Variants in PTPRB observed in about 807,000 individuals in gnomAD.
PTPRB encodes protein tyrosine phosphatase receptor type B, also known as receptor-type tyrosine-protein phosphatase beta.
A neutral mutation model predicts 238.1 loss-of-function variants in PTPRB; 97 were observed. The observed-to-expected ratio is 0.41, with a 90% CI of 0.35 to 0.48. The LOEUF (loss-of-function observed/expected upper bound fraction) is 0.48, where lower values mean the gene tolerates loss of function less well. Ranked by LOEUF, PTPRB falls within the 20% of genes least tolerant of loss-of-function variation. PTPRB has a pLI of 0.30. For synonymous variants in PTPRB, 970 were observed against 995.4 expected (o/e 0.97, Z 0.48); for missense variants, 2,292 against 2,681.9 (o/e 0.85, Z 3.21).
chr12:70,598,795 T>C (rs1883240945), intron 4 of PTPRB, among the ~76,000 whole-genome samples: 1 of 152,180 alleles, frequency 6.6e-6, no homozygotes, highest in African/African-American at 2.4e-5. Context: ...AATGTCATGA[T>C]CAGTAGAATC....
chr12:70,631,091 A>G (rs1332827472), intron 2 of PTPRB, among the ~76,000 whole-genome samples: 1 of 152,204 alleles, frequency 6.6e-6, no homozygotes, highest in East Asian at 1.9e-4. Context: ...TAAAGTTCAT[A>G]TGGAACCAAA....
At chr12:70,554,140 G>C (rs920044889) in intron 20 of PTPRB, among the ~76,000 whole-genome samples, 1 of 152,120 alleles carries the variant, frequency 6.6e-6, no homozygotes, top group African/African-American at 2.4e-5. Flanking sequence ...TTAATTAATT[G>C]TGCATAACCA....
intron 2 of PTPRB, among the ~76,000 whole-genome samples, chr12:70,629,211 G>A (rs1885334983): frequency 6.6e-6 from 1 of 152,042 alleles, no homozygotes; most frequent in African/African-American, 2.4e-5. Flanking sequence ...GTACTCCTCA[G>A]CAAATGTAAA....
At chr12:70,566,064 G>C (rs1030551) in intron 15 of PTPRB, among the ~76,000 whole-genome samples, 85,533 of 151,830 alleles carry the variant, frequency 0.56, 26,125 homozygotes, top group African/African-American at 0.81. Flanking sequence ...CCTCTAAAGT[G>C]TCTACAAGAA....
rs748738499 is a variant in PTPRB at position 70,539,013 on chromosome 12, T to C, written c.5780A>G (p.Glu1927Gly). 5.0e-6 allele frequency: 8 copies of C among 1,611,232 alleles called. No individual in the cohort carries two copies. The highest frequency in any genetic ancestry group is 5.9e-6 in the Non-Finnish European group (7 of 1,177,742). The change falls in exon 27 of 34, where the codon GAG (glutamate) becomes GGG (glycine). Residue 1927 changes from glutamate (E) to glycine (G), a missense_variant and splice_region_variant. Around this residue, in one of 4 missense-constraint regions of PTPRB, gnomAD observed 397 missense variants for 502.0 expected, o/e 0.79. Coordinates refer to ENST00000334414, the MANE Select transcript of PTPRB (RefSeq NM_001109754.4). ...CTGGTTTCGGCCCACGTCTTTTAAC[T>C]CCTGTTAGGTCAAATATGAGTTTGT... ...SNYLLSKEYE[E>G]LKDVGRNQSC...
At chr12:70,577,299 T>A (rs1048265938) in intron 10 of PTPRB, among the ~76,000 whole-genome samples, 1 of 152,184 alleles carries the variant, frequency 6.6e-6, no homozygotes, top group Non-Finnish European at 1.5e-5. Flanking sequence ...AGAACTGTTA[T>A]GGCGATAATG....
In PTPRB at chr12:70,521,172, G is replaced by A. The variant is rs1871612465; in HGVS notation, c.*317C>T. ...CACCACCTCCATATGCATTTTACCA[G>A]TAGTCCTGTCATACAGGTTGAATTA... is the stretch of plus-strand genomic sequence containing the variant. On this transcript the variant is annotated 3_prime_UTR_variant, in exon 34 of 34. Transcript: ENST00000334414. The A allele has an allele frequency of 4.4e-6, 1 of 227,050 alleles. No individual in the cohort carries two copies. The highest frequency in any genetic ancestry group is 8.5e-6 in the Non-Finnish European group (1 of 117,426). 14.1% of individuals were successfully genotyped at this position (227,050 alleles called of 1,614,324 possible).
At chr12:70,632,325 A>C (rs1358114977) in intron 2 of PTPRB, among the ~76,000 whole-genome samples, 1 of 152,156 alleles carries the variant, frequency 6.6e-6, no homozygotes, top group Non-Finnish European at 1.5e-5. Flanking sequence ...AAACTATCAC[A>C]AGGACAGAAA....
chr12:70,578,232 G>A (rs1210507413), intron 10 of PTPRB, among the ~76,000 whole-genome samples: 1 of 152,036 alleles, frequency 6.6e-6, no homozygotes, highest in African/African-American at 2.4e-5. Flanking sequence ...TTATTTATAT[G>A]TTTCAACTCA....
chr12:70,534,781 G>GATCTC, intron 30 of PTPRB, 52 bp downstream of exon 30: 1 of 1,606,696 alleles, frequency 6.2e-7, no homozygotes, highest in South Asian at 1.1e-5. Flanking sequence ...GGGGTTCACA[G>GATCTC]ATCTCATTCA....
chr12:70,600,409 G>T (rs10879166), intron 4 of PTPRB, among the ~76,000 whole-genome samples: 33,938 of 151,992 alleles, frequency 0.22, 3,884 homozygotes, highest in East Asian at 0.28. Flanking sequence ...CCTAGTGTGG[G>T]AAATGATGTC....
At chr12:70,544,392 G>A (rs557219995) in intron 22 of PTPRB, among the ~76,000 whole-genome samples, 165 bp downstream of exon 22, 1 of 152,150 alleles carries the variant, frequency 6.6e-6, no homozygotes, top group African/African-American at 2.4e-5. Flanking sequence ...CATTCTTCTA[G>A]AGAGGTTGTA....
intron 3 of PTPRB, chr12:70,609,893 C>T (rs1033792712): frequency 7.4e-6 from 10 of 1,352,386 alleles, no homozygotes; most frequent in South Asian, 1.6e-5. Flanking sequence ...AGGGGGTCAC[C>T]TGTTGCGCGC....
chr12:70,554,829 A>C (rs1877406005), intron 20 of PTPRB, among the ~76,000 whole-genome samples: 2 of 152,208 alleles, frequency 1.3e-5, no homozygotes, highest in Admixed American at 1.3e-4. Context: ...AGAGGACTGA[A>C]TAAGGCATTA....
chr12:70,550,650 C>G (rs1322821343), intron 21 of PTPRB, among the ~76,000 whole-genome samples: 2 of 152,162 alleles, frequency 1.3e-5, no homozygotes, highest in East Asian at 3.9e-4. Context: ...CTTCCAAAGA[C>G]CTCCGCAGTT....
chr12:70,612,394 T>A (rs76066105), intron 3 of PTPRB, among the ~76,000 whole-genome samples: 4,394 of 152,324 alleles, frequency 0.029, 97 homozygotes, highest in Non-Finnish European at 0.042. Flanking sequence ...TATGAGGAGT[T>A]TATTTGAAAC....
At chr12:70,634,690 T>C (rs1021171231) in intron 2 of PTPRB, among the ~76,000 whole-genome samples, 4 of 152,210 alleles carry the variant, frequency 2.6e-5, no homozygotes, top group Admixed American at 2.6e-4. Context: ...TCTGGTATAG[T>C]AAAATGTACA....
intron 31 of PTPRB, 68 bp from the exon 32 acceptor site, chr12:70,532,238 A>G (rs1297263341): frequency 6.9e-7 from 1 of 1,459,122 alleles, no homozygotes; most frequent in Non-Finnish European, 9.1e-7. Flanking sequence ...GCATCTAGAG[A>G]CTCTGGCACA....
intron 22 of PTPRB, among the ~76,000 whole-genome samples, chr12:70,543,554 T>C (rs1224596906): frequency 3.3e-5 from 5 of 152,240 alleles, no homozygotes; most frequent in Admixed American, 2.6e-4. Flanking sequence ...ATTATCCCTA[T>C]ATTTGGCATA....
Sources: allele counts gnomAD v4.1 joint callset (sites outside exome capture counted in the v4.1 genomes callset), GRCh38; gene constraint gnomAD v4.1.1; regional missense constraint gnomAD v4.1.1; transcripts MANE v1.5; gene names NCBI Gene and HGNC (gene_info 2026-07-23, HGNC 2026-07-21).